TTLL7: variants seen among roughly 807,000 people sequenced by gnomAD.
The protein encoded by TTLL7 is tubulin polyglutamylase TTLL7.
TTLL7 carries 53 observed loss-of-function variants against 120.2 expected under a neutral mutation model. The observed-to-expected ratio is 0.44, with a 90% CI of 0.35 to 0.55. The LOEUF (loss-of-function observed/expected upper bound fraction) is 0.55, where lower values mean the gene tolerates loss of function less well. Ranked by LOEUF, TTLL7 falls within the 20% of genes least tolerant of loss-of-function variation. TTLL7 has a pLI of 0.00. For synonymous variants in TTLL7, 353 were observed against 351.7 expected (o/e 1.00, Z -0.04); for missense variants, 803 against 1,054.7 (o/e 0.76, Z 3.31).
At chr1:83,892,447 AATGAACATAT>A (rs1557564134) in intron 18 of TTLL7, among the ~76,000 whole-genome samples, 1 of 56,520 alleles carries the variant, frequency 1.8e-5, no homozygotes, top group Non-Finnish European at 3.3e-5. Flanking sequence ...TGAACATATG[AATGAACATAT>A]ATGAACATAT....
At chr1:83,966,113 GTAAACT>G (rs1650436826) in intron 1 of TTLL7, among the ~76,000 whole-genome samples, 1 of 152,098 alleles carries the variant, frequency 6.6e-6, no homozygotes, top group African/African-American at 2.4e-5. Flanking sequence ...ATTTAAATCA[GTAAACT>G]TTGACAAAAG....
At chr1:83,900,909 TATG>T (rs1191719201) in intron 18 of TTLL7, among the ~76,000 whole-genome samples, 3 of 152,054 alleles carry the variant, frequency 2.0e-5, no homozygotes, top group African/African-American at 4.8e-5. Context: ...TTTTTGCTCA[TATG>T]ATGTTTTTTA....
intron 20 of TTLL7, among the ~76,000 whole-genome samples, chr1:83,875,775 T>C (rs1653875431): frequency 6.6e-6 from 1 of 151,928 alleles, no homozygotes; most frequent in Non-Finnish European, 1.5e-5. Context: ...CCCATTTTTC[T>C]ATTGTGTGGT....
At chr1:83,965,479 G>A (rs1310726709) in intron 1 of TTLL7, among the ~76,000 whole-genome samples, 1 of 152,096 alleles carries the variant, frequency 6.6e-6, no homozygotes, top group Non-Finnish European at 1.5e-5. Context: ...CTGTGAGTCA[G>A]TTAAACCTCC....
At chr1:83,935,136 A>G (rs576352376) in intron 8 of TTLL7, among the ~76,000 whole-genome samples, 13 of 152,278 alleles carry the variant, frequency 8.5e-5, no homozygotes, top group Admixed American at 7.2e-4. Context: ...AATTTTGTTC[A>G]AGGTTAACAA....
rs550578653 is a variant in TTLL7, at chr1:83,874,370, T to C, written c.2544-4288A>G. 7.2e-5 allele frequency among the ~76,000 whole-genome samples: 11 copies of C among 152,176 alleles called. No individual in the cohort carries two copies. In the South Asian group the frequency reaches 1.7e-3, roughly 23 times the overall value. On this transcript the variant is annotated intron_variant, in intron 20 of 20. Coordinates refer to ENST00000260505, the MANE Select transcript of TTLL7 (RefSeq NM_024686.6). Reference sequence around the variant, plus strand: ...GTATACCATATTGTATCTCTTCAACTGTTGATGGGCATGGGTTGTTTCCAT... The same window carrying C: ...GTATACCATATTGTATCTCTTCAACCGTTGATGGGCATGGGTTGTTTCCAT...
intron 20 of TTLL7, among the ~76,000 whole-genome samples, chr1:83,880,807 A>G (rs1191647026): frequency 6.6e-6 from 1 of 152,106 alleles, no homozygotes; most frequent in Non-Finnish European, 1.5e-5. Context: ...AAAAGAACAA[A>G]GCTGGAGGCA....
In TTLL7 at chr1:83,867,741, T is replaced by C. The variant is rs941531198; in HGVS notation, c.*2221A>G. 3 of 152,084 alleles carry C rather than the reference T, an allele frequency of 2.0e-5. No individual in the cohort carries two copies. The highest frequency in any genetic ancestry group is 1.5e-5 in the Non-Finnish European group (1 of 67,960). The allele number at this position is 152,084 out of a possible 1,614,324, so 9.4% of individuals were successfully genotyped here. Reference sequence around the variant, plus strand: ...ATCATATATCAGACACTTATATATATATTTTTGTGGCCAAATCATGAATTT... The same window carrying C: ...ATCATATATCAGACACTTATATATACATTTTTGTGGCCAAATCATGAATTT... On this transcript the variant is annotated 3_prime_UTR_variant, in exon 21 of 21. Transcript: ENST00000260505.
intron 19 of TTLL7, among the ~76,000 whole-genome samples, chr1:83,885,976 G>T (rs1416268237): frequency 3.3e-5 from 5 of 151,964 alleles, no homozygotes; most frequent in African/African-American, 9.7e-5. Flanking sequence ...AAAATTAAAT[G>T]ATTAAAAAGT....
At chr1:83,892,401 T>TGAACATATATAC (rs1557563307) in intron 18 of TTLL7, among the ~76,000 whole-genome samples, 10 of 127,272 alleles carry the variant, frequency 7.9e-5, no homozygotes, top group African/African-American at 2.9e-4. Context: ...CGAATATATA[T>TGAACATATATAC]GAACATATAT....
At chr1:83,954,747 G>C (rs1649360716) in intron 1 of TTLL7, among the ~76,000 whole-genome samples, 1 of 151,354 alleles carries the variant, frequency 6.6e-6, no homozygotes, top group Non-Finnish European at 1.5e-5. Flanking sequence ...ACAAATAATA[G>C]CTAATTATAA....
At chr1:83,958,158 A>C (rs934864897) in intron 1 of TTLL7, among the ~76,000 whole-genome samples, 1 of 152,240 alleles carries the variant, frequency 6.6e-6, no homozygotes, top group African/African-American at 2.4e-5. Flanking sequence ...AGGTTTATAC[A>C]TATAAAACTC....
rs755091025 is a variant in TTLL7 at position 83,906,411 on chromosome 1, C to T, written c.2045G>A (p.Ser682Asn). The T allele has an allele frequency of 1.9e-6, 3 of 1,612,306 alleles. No homozygotes were observed. Among genetic ancestry groups the T allele is most frequent in the Non-Finnish European group, 1.7e-6 (2 of 1,178,994 alleles). The change falls in exon 17 of 21, where the codon AGT becomes AAT. Residue 682 changes from serine (S) to asparagine (N), a missense_variant. By Grantham distance (46) the Ser-to-Asn change is conservative. Coordinates refer to ENST00000260505, the MANE Select transcript of TTLL7 (RefSeq NM_024686.6). ...KTKEQEDDLTSQTLFVLKDMK... is the reference protein window; with the variant it reads ...KTKEQEDDLTNQTLFVLKDMK... ...GTCTTTGAGAACAAATAAGGTCTGA[C>T]TTGTTAGATCATCTTCTTGTTCTTT... is the stretch of plus-strand genomic sequence containing the variant.
intron 9 of TTLL7, 49 bp from the exon 10 acceptor site, chr1:83,929,279 AC>A: frequency 7.2e-7 from 1 of 1,391,288 alleles, no homozygotes; most frequent in Non-Finnish European, 1.0e-6. Flanking sequence ...AATATTCAAT[AC>A]ATATTTGTTA....
rs2100685794 is a variant in TTLL7, at chr1:83,868,536, C to G, written c.*1426G>C. ...AAAACCCTCAAGGGTACACTGATGA[C>G]TTGTAATATGTGATAATTGAAATCT... is the stretch of plus-strand genomic sequence containing the variant. On this transcript the variant is annotated 3_prime_UTR_variant, in exon 21 of 21. Coordinates refer to ENST00000260505, the MANE Select transcript of TTLL7 (RefSeq NM_024686.6). The G allele has an allele frequency of 6.6e-6, 1 of 152,286 alleles. No homozygotes were observed. Among genetic ancestry groups the G allele is most frequent in the East Asian group, 1.9e-4 (1 of 5,188 alleles). The allele number at this position is 152,286 out of a possible 1,614,324, so 9.4% of individuals were successfully genotyped here.
At chr1:83,940,899 CTTAAG>C (rs1414045160) in intron 7 of TTLL7, among the ~76,000 whole-genome samples, 3 of 152,124 alleles carry the variant, frequency 2.0e-5, no homozygotes, top group African/African-American at 7.2e-5. Context: ...TTCCTTTTAT[CTTAAG>C]TTAAATTCTA....
chr1:83,936,961 T>C (rs922197800), intron 8 of TTLL7, among the ~76,000 whole-genome samples: 2 of 152,150 alleles, frequency 1.3e-5, no homozygotes, highest in Admixed American at 6.5e-5. Flanking sequence ...CTTACTTGTC[T>C]GACACCTAAG....
intron 1 of TTLL7, chr1:83,981,351 A>G (rs1380011233): frequency 6.6e-6 from 1 of 152,168 alleles, no homozygotes; most frequent in African/African-American, 2.4e-5. Flanking sequence ...AGAAGTGGCT[A>G]TAACAATATC....
Position 83,868,995 on chromosome 1 carries a change from G to A in TTLL7, c.*967C>T, listed in dbSNP as rs1232418847. 1 of 137,948 alleles carries A rather than the reference G, an allele frequency of 7.2e-6. No homozygotes were observed. The highest frequency in any genetic ancestry group is 7.5e-5 in the Admixed American group (1 of 13,388). The allele number at this position is 137,948 out of a possible 1,614,324, so 8.5% of individuals were successfully genotyped here. A position where few individuals can be genotyped will look rare whatever the true frequency, so the allele number is the denominator to read the frequency against. ...TTTTATTATTATTTTTTTTTTTTGA[G>A]ACAGAGTTTCACTCTTGTCACCCAG... is the stretch of plus-strand genomic sequence containing the variant. On this transcript the variant is annotated 3_prime_UTR_variant, in exon 21 of 21. Coordinates refer to ENST00000260505, the MANE Select transcript of TTLL7 (RefSeq NM_024686.6).
Sources: gnomAD v4.1 joint callset for allele counts (sites outside exome capture counted in the v4.1 genomes callset) on GRCh38, gnomAD v4.1.1 for gene constraint, MANE v1.5 for transcripts, NCBI Gene and HGNC (gene_info 2026-07-23, HGNC 2026-07-21) for gene names.